The following NUMB variants were observed in gnomAD, a reference collection of about 807,000 sequenced individuals.
NUMB encodes NUMB endocytic adaptor protein.
In NUMB, 29 loss-of-function variants were observed where a neutral mutation model predicts 59.7. That is an observed-to-expected ratio of 0.49 (90% CI 0.36 to 0.66). NUMB has a LOEUF of 0.66. NUMB is among the 30% of genes least tolerant of loss of function. The pLI, the probability that NUMB is intolerant of heterozygous loss-of-function variation, is 0.00. For synonymous variants in NUMB, 288 were observed against 288.2 expected (o/e 1.00, Z 0.01); for missense variants, 723 against 822.0 (o/e 0.88, Z 1.47).
intron 3 of NUMB, among the ~76,000 whole-genome samples, chr14:73,365,139 A>G (rs1458807718): frequency 6.6e-6 from 1 of 152,170 alleles, no homozygotes; most frequent in Non-Finnish European, 1.5e-5. Context: ...TCCCAGGTTC[A>G]AGCAATTCTC....
At chr14:73,448,355 TA>T (rs553818861) in intron 1 of NUMB, among the ~76,000 whole-genome samples, 170 of 152,274 alleles carry the variant, frequency 1.1e-3, no homozygotes, top group African/African-American at 3.9e-3. Context: ...TTAACAGCTT[TA>T]TTTTTTTTAA....
At chr14:73,344,573 G>T (rs575749206) in intron 4 of NUMB, among the ~76,000 whole-genome samples, 1 of 152,236 alleles carries the variant, frequency 6.6e-6, no homozygotes, top group South Asian at 2.1e-4. Context: ...TCTCCATCTG[G>T]TCTATCCTAT....
chr14:73,429,388 T>C (rs1044785000), intron 1 of NUMB, among the ~76,000 whole-genome samples: 2 of 151,788 alleles, frequency 1.3e-5, no homozygotes, highest in African/African-American at 4.8e-5. Flanking sequence ...AATAAATAAA[T>C]TTTCTTTCCC....
At chr14:73,372,212 G>A (rs1259851604) in intron 2 of NUMB, among the ~76,000 whole-genome samples, 2 of 149,714 alleles carry the variant, frequency 1.3e-5, no homozygotes, top group Non-Finnish European at 3.0e-5. Flanking sequence ...CAGCCTGGGT[G>A]ACAGAGCAAT....
chr14:73,299,969 T>A (rs550607434), intron 6 of NUMB, among the ~76,000 whole-genome samples: 1 of 152,322 alleles, frequency 6.6e-6, no homozygotes, highest in Admixed American at 6.5e-5. Flanking sequence ...GTAAAATATT[T>A]GTAGTTTGTT....
chr14:73,384,171 A>G (rs1054301641), intron 2 of NUMB, among the ~76,000 whole-genome samples: 6 of 148,894 alleles, frequency 4.0e-5, no homozygotes, highest in African/African-American at 1.5e-4. Flanking sequence ...TTTTTTTTTG[A>G]GACGGAGTCT....
intron 4 of NUMB, among the ~76,000 whole-genome samples, chr14:73,345,470 G>C (rs1047444508): frequency 1.3e-5 from 2 of 152,090 alleles, no homozygotes; most frequent in Non-Finnish European, 1.5e-5. Flanking sequence ...ACCTGCACAT[G>C]TACTCCTGAC....
intron 2 of NUMB, among the ~76,000 whole-genome samples, chr14:73,395,218 T>C (rs566173547): frequency 9.5e-5 from 14 of 147,284 alleles, no homozygotes; most frequent in South Asian, 4.2e-4. Context: ...CACACACACA[T>C]ACACACACAC....
chr14:73,426,230 T>A (rs1002630846), intron 1 of NUMB, among the ~76,000 whole-genome samples: 1 of 152,168 alleles, frequency 6.6e-6, no homozygotes, highest in Non-Finnish European at 1.5e-5. Context: ...ATCAAATATA[T>A]AAATAAATAA....
chr14:73,392,053 A>G (rs1895881516), intron 2 of NUMB, among the ~76,000 whole-genome samples: 3 of 152,194 alleles, frequency 2.0e-5, no homozygotes, highest in South Asian at 2.1e-4. Flanking sequence ...TGTTTTTTAC[A>G]TGATGGGGAA....
chr14:73,386,330 TTAAA>T (rs1421388795), intron 2 of NUMB, among the ~76,000 whole-genome samples: 2 of 152,194 alleles, frequency 1.3e-5, no homozygotes, highest in Admixed American at 6.5e-5. Flanking sequence ...TTGCAGGTAA[TTAAA>T]TATTTACTTT....
At chr14:73,388,536 G>T (rs1290954603) in intron 2 of NUMB, among the ~76,000 whole-genome samples, 1 of 152,012 alleles carries the variant, frequency 6.6e-6, no homozygotes, top group Non-Finnish European at 1.5e-5. Context: ...GCTTATGGCT[G>T]ATCTAATTTA....
chr14:73,451,492 G>A (rs1883971482), intron 1 of NUMB, among the ~76,000 whole-genome samples: 1 of 151,242 alleles, frequency 6.6e-6, no homozygotes, highest in South Asian at 2.1e-4. Context: ...GCATGCCCCT[G>A]TAGTCCCAGC....
rs778492917 is a variant in NUMB at position 73,397,969 on chromosome 14, T to C, written c.-101+11968A>G. Among the ~76,000 whole-genome samples, 14 of 152,316 alleles carry C rather than the reference T, an allele frequency of 9.2e-5. No individual in the cohort carries two copies. In the East Asian group the frequency reaches 1.7e-3, roughly 19 times the overall value. ...GCCCAGCTGAGAAGTCTTTGAACTC[T>C]AGCCCTGGAGCATCAAGGGCTAGAA... On this transcript the variant is annotated intron_variant, in intron 2 of 12. Transcript: ENST00000555238.
At chr14:73,352,299 G>A (rs1457280106) in intron 4 of NUMB, among the ~76,000 whole-genome samples, 1 of 150,388 alleles carries the variant, frequency 6.6e-6, no homozygotes, top group African/African-American at 2.4e-5. Flanking sequence ...TCAAATATCA[G>A]GTCAAGCTTT....
chr14:73,411,805 T>A (rs1016244266), intron 1 of NUMB, among the ~76,000 whole-genome samples: 1 of 152,152 alleles, frequency 6.6e-6, no homozygotes. Context: ...GTGTATTTTG[T>A]GCCCACATCT....
chr14:73,451,522 G>C (rs1347374249), intron 1 of NUMB, among the ~76,000 whole-genome samples: 3 of 151,892 alleles, frequency 2.0e-5, no homozygotes, highest in Admixed American at 6.6e-5. Flanking sequence ...GCCTGACGCA[G>C]GACAATTGCT....
intron 3 of NUMB, among the ~76,000 whole-genome samples, chr14:73,364,200 C>A (rs1250389665): frequency 2.0e-5 from 3 of 152,132 alleles, no homozygotes; most frequent in Non-Finnish European, 4.4e-5. Flanking sequence ...GAAAAAGTTT[C>A]TATCAAAAAT....
chr14:73,406,099 T>TTTA (rs1555379369), intron 2 of NUMB, among the ~76,000 whole-genome samples: 8,820 of 93,530 alleles, frequency 0.094, 725 homozygotes, highest in African/African-American at 0.24. Flanking sequence ...TTTGTTTTTT[T>TTTA]TTTTTTTTAT....
Sources: allele counts gnomAD v4.1 joint callset (sites outside exome capture counted in the v4.1 genomes callset), GRCh38; gene constraint gnomAD v4.1.1; transcripts MANE v1.5; gene names NCBI Gene and HGNC (gene_info 2026-07-23, HGNC 2026-07-21).